Variants in ADCY8 observed in about 807,000 individuals in gnomAD.
ADCY8 encodes the protein adenylate cyclase 8, also known as adenylate cyclase type 8.
ADCY8 carries 51 observed loss-of-function variants against 119.7 expected under a neutral mutation model. The observed-to-expected ratio is 0.43, with a 90% CI of 0.34 to 0.54. The LOEUF (loss-of-function observed/expected upper bound fraction) is 0.54, where lower values mean the gene tolerates loss of function less well. Ranked by LOEUF, ADCY8 falls within the 20% of genes least tolerant of loss-of-function variation. The pLI is 0.03. For missense variants in ADCY8, 1,383 were observed against 1,598.8 expected, an observed-to-expected ratio of 0.87 and a Z score of 2.30; for synonymous variants, 665 against 651.0, an observed-to-expected ratio of 1.02 and a Z score of -0.33.
At chr8:130,990,592 A>G (rs1344387013) in intron 1 of ADCY8, 50 bp from the exon 2 acceptor site, 1 of 1,589,454 alleles carries the variant, frequency 6.3e-7, no homozygotes, top group Non-Finnish European at 8.6e-7. Context: ...GCTATTTACA[A>G]GCAACAATAA....
chr8:130,971,667 G>A lies in ADCY8; in HGVS notation c.1110+18726C>T, dbSNP rs185750671. 5.9e-5 allele frequency among the ~76,000 whole-genome samples: 9 copies of A among 152,304 alleles called. No homozygotes were observed. The East Asian group carries it at 1.7e-3, about 29-fold the overall frequency. ...TTAAAGACAGTGCAAGCCCAATTAA[G>A]GATGTCTAGTCTCAGGGAAGGCTTC... is the stretch of plus-strand genomic sequence containing the variant. On this transcript the variant is annotated intron_variant, in intron 2 of 17. Transcript: ENST00000286355.
At chr8:130,928,185 C>T (rs780464558) in intron 5 of ADCY8, among the ~76,000 whole-genome samples, 9 of 152,164 alleles carry the variant, frequency 5.9e-5, no homozygotes, top group Non-Finnish European at 8.8e-5. Flanking sequence ...GATCTTCCCT[C>T]CTCAGCCTCC....
At chr8:130,928,433 A>C (rs1820535768) in intron 5 of ADCY8, among the ~76,000 whole-genome samples, 1 of 152,082 alleles carries the variant, frequency 6.6e-6, no homozygotes, top group Non-Finnish European at 1.5e-5. Context: ...GGCCTTTATT[A>C]TTTTGAGGTA....
chr8:130,870,819 C>A (rs529160137), intron 8 of ADCY8, among the ~76,000 whole-genome samples: 1 of 152,048 alleles, frequency 6.6e-6, no homozygotes, highest in Non-Finnish European at 1.5e-5. Context: ...AGACAAAGTA[C>A]GGAGACGTAC....
intron 15 of ADCY8, among the ~76,000 whole-genome samples, chr8:130,795,725 T>C (rs1815560015): frequency 6.6e-6 from 1 of 152,184 alleles, no homozygotes; most frequent in South Asian, 2.1e-4. Flanking sequence ...GGAAAATTCC[T>C]CCTTGAGAGG....
intron 8 of ADCY8, among the ~76,000 whole-genome samples, chr8:130,882,118 G>GT (rs35806429): frequency 0.13 from 17,618 of 132,892 alleles, 1,441 homozygotes; most frequent in African/African-American, 0.23. Context: ...CCATATTGAG[G>GT]TTTTTTTTTT....
chr8:130,792,966 C>T (rs1423017929), intron 15 of ADCY8, among the ~76,000 whole-genome samples: 1 of 152,154 alleles, frequency 6.6e-6, no homozygotes, highest in East Asian at 1.9e-4. Flanking sequence ...GGAACCAGCT[C>T]CAGCCTTCTT....
chr8:130,926,025 T>A (rs12675824), intron 5 of ADCY8, among the ~76,000 whole-genome samples: 5,364 of 152,148 alleles, frequency 0.035, 329 homozygotes, highest in East Asian at 0.28. Context: ...ACTTTAAGAG[T>A]CAGTGACTTT....
At chr8:130,789,675 C>T (rs747171302) in intron 15 of ADCY8, among the ~76,000 whole-genome samples, 13 of 152,268 alleles carry the variant, frequency 8.5e-5, no homozygotes, top group South Asian at 4.2e-4. Context: ...GAGGGGCTGA[C>T]GGAATTGCTA....
At chr8:130,982,240 A>G (rs1478332680) in intron 2 of ADCY8, among the ~76,000 whole-genome samples, 2 of 152,224 alleles carry the variant, frequency 1.3e-5, no homozygotes, top group Admixed American at 6.5e-5. Context: ...TGCCACTCAA[A>G]ACCTTCCTGG....
At chr8:131,006,061 C>T (rs894314783) in intron 1 of ADCY8, among the ~76,000 whole-genome samples, 8 of 152,094 alleles carry the variant, frequency 5.3e-5, no homozygotes, top group East Asian at 3.9e-4. Flanking sequence ...CACACACACA[C>T]GCACACACAC....
intron 6 of ADCY8, among the ~76,000 whole-genome samples, chr8:130,905,788 C>G (rs1208220448): frequency 6.6e-6 from 1 of 152,064 alleles, no homozygotes; most frequent in Non-Finnish European, 1.5e-5. Context: ...TGAGCCCAGA[C>G]AGTTGAAGCT....
chr8:130,923,446 TTACTC>T (rs1271171224), intron 5 of ADCY8, among the ~76,000 whole-genome samples: 4 of 152,224 alleles, frequency 2.6e-5, no homozygotes, highest in Admixed American at 2.0e-4. Flanking sequence ...ATTAAGACCT[TTACTC>T]TGATTAACTG....
At chr8:130,980,799 G>A (rs577042020) in intron 2 of ADCY8, among the ~76,000 whole-genome samples, 24 of 152,170 alleles carry the variant, frequency 1.6e-4, no homozygotes, top group Non-Finnish European at 3.2e-4. Flanking sequence ...CAAGAGTAGT[G>A]TCAAGGTTTT....
intron 1 of ADCY8, among the ~76,000 whole-genome samples, chr8:131,008,967 A>G (rs1052373179): frequency 6.6e-6 from 1 of 152,300 alleles, no homozygotes; most frequent in East Asian, 1.9e-4. Flanking sequence ...GAGATGATTT[A>G]GGGTAACTAG....
chr8:130,861,046 T>G (rs2130365667), intron 9 of ADCY8, among the ~76,000 whole-genome samples: 1 of 152,372 alleles, frequency 6.6e-6, no homozygotes, highest in East Asian at 1.9e-4. Flanking sequence ...TTTGGGGCTT[T>G]TCTTTCTGTT....
At chr8:130,835,760 C>T (rs1256400795) in intron 12 of ADCY8, among the ~76,000 whole-genome samples, 1 of 152,050 alleles carries the variant, frequency 6.6e-6, no homozygotes, top group East Asian at 1.9e-4. Flanking sequence ...ACTTATAAAA[C>T]CTAATACAAT....
At chr8:130,807,197 C>T (rs547409609) in intron 14 of ADCY8, among the ~76,000 whole-genome samples, 1 of 152,342 alleles carries the variant, frequency 6.6e-6, no homozygotes, top group South Asian at 2.1e-4. Context: ...GAACTATAGT[C>T]TGGTCCTTCA....
intron 8 of ADCY8, among the ~76,000 whole-genome samples, chr8:130,868,285 T>C (rs1818199035): frequency 6.6e-6 from 1 of 152,202 alleles, no homozygotes; most frequent in African/African-American, 2.4e-5. Flanking sequence ...ACTTAAGTCA[T>C]TTAAGGATCT....
Sources: allele counts gnomAD v4.1 joint callset (sites outside exome capture counted in the v4.1 genomes callset), GRCh38; gene constraint gnomAD v4.1.1; transcripts MANE v1.5; gene names NCBI Gene and HGNC (gene_info 2026-07-23, HGNC 2026-07-21).